PTPRD: variants seen among roughly 807,000 people sequenced by gnomAD.
PTPRD encodes receptor-type tyrosine-protein phosphatase delta.
A neutral mutation model predicts 214.5 loss-of-function variants in PTPRD; 34 were observed. The observed-to-expected ratio is 0.16, with a 90% CI of 0.12 to 0.21. The LOEUF is 0.21. Among genes scored for constraint, PTPRD ranks in the 10% least tolerant of loss-of-function variants. The pLI is 1.00. For missense variants in PTPRD, 2,545 were observed against 2,398.7 expected (o/e 1.06, Z -1.27); for synonymous variants, 1,128 against 845.7 (o/e 1.33, Z -5.79).
intron 14 of PTPRD, among the ~76,000 whole-genome samples, chr9:8,570,551 A>G (rs1033696435): frequency 3.9e-5 from 6 of 152,158 alleles, no homozygotes; most frequent in Admixed American, 6.5e-5. Context: ...GTAGGTTTTA[A>G]TAATAACAAA....
In PTPRD at chr9:8,991,285, T is replaced by A. The variant is rs552160788; in HGVS notation, c.-104+27412A>T. Reference sequence around the variant, plus strand: ...GTCATTTGATCTTCATCCTGAAAGCTCCCATGTCACATAAAACTAGGATTA... The same window carrying A: ...GTCATTTGATCTTCATCCTGAAAGCACCCATGTCACATAAAACTAGGATTA... On this transcript the variant is annotated intron_variant, in intron 11 of 45. Coordinates refer to ENST00000381196, the MANE Select transcript of PTPRD (RefSeq NM_002839.4). Among the ~76,000 whole-genome samples the A allele has an allele frequency of 2.3e-3, 345 of 151,756 alleles. 1 individual carries two copies. Among genetic ancestry groups the A allele is most frequent in the African/African-American group, 8.0e-3 (331 of 41,394 alleles).
chr9:8,951,425 G>C (rs7021805), intron 11 of PTPRD, among the ~76,000 whole-genome samples: 57,472 of 150,238 alleles, frequency 0.38, 11,592 homozygotes, highest in East Asian at 0.68. Context: ...TCTAATTGAA[G>C]CCAATATAAT....
At chr9:10,152,558 G>A (rs781275859) in intron 3 of PTPRD, among the ~76,000 whole-genome samples, 1 of 152,164 alleles carries the variant, frequency 6.6e-6, no homozygotes, top group Non-Finnish European at 1.5e-5. Flanking sequence ...AGGTGTGGTG[G>A]CTCACGCTTG....
chr9:10,408,122 G>C (rs2098394566), intron 2 of PTPRD, among the ~76,000 whole-genome samples: 1 of 151,468 alleles, frequency 6.6e-6, no homozygotes, highest in African/African-American at 2.4e-5. Flanking sequence ...CTTTGCTTGT[G>C]TTTCTTCTAC....
chr9:8,984,618 A>T (rs2099329963), intron 11 of PTPRD, among the ~76,000 whole-genome samples: 1 of 152,118 alleles, frequency 6.6e-6, no homozygotes, highest in African/African-American at 2.4e-5. Context: ...CAGGCACATT[A>T]GGCTAATTCC....
At chr9:10,211,544 T>A (rs2099516897) in intron 3 of PTPRD, among the ~76,000 whole-genome samples, 1 of 152,158 alleles carries the variant, frequency 6.6e-6, no homozygotes, top group Admixed American at 6.6e-5. Flanking sequence ...CCACCAGATC[T>A]TCTGCTGCTC....
chr9:8,486,716 T>C (rs1181868341), intron 27 of PTPRD, among the ~76,000 whole-genome samples: 1 of 152,232 alleles, frequency 6.6e-6, no homozygotes, highest in Non-Finnish European at 1.5e-5. Flanking sequence ...AGAATAACTA[T>C]AATGATTATT....
intron 12 of PTPRD, chr9:8,713,292 C>G: frequency 2.8e-6 from 2 of 704,220 alleles, no homozygotes; most frequent in East Asian, 2.7e-5. Flanking sequence ...CGGGTGGCGG[C>G]GAGCGCGGAG....
intron 12 of PTPRD, among the ~76,000 whole-genome samples, chr9:8,674,508 T>G (rs1316316338): frequency 3.5e-5 from 3 of 84,822 alleles, no homozygotes; most frequent in Non-Finnish European, 8.0e-5. Context: ...CAAGCAAAAA[T>G]AAGTAAAATT....
chr9:10,578,108 C>T (rs1471105472), intron 2 of PTPRD, among the ~76,000 whole-genome samples: 1 of 151,910 alleles, frequency 6.6e-6, no homozygotes, highest in Non-Finnish European at 1.5e-5. Context: ...CGGGGTTTCA[C>T]CTTGTTGGTT....
chr9:10,475,560 G>C (rs1443787271), intron 2 of PTPRD, among the ~76,000 whole-genome samples: 1 of 152,096 alleles, frequency 6.6e-6, no homozygotes, highest in African/African-American at 2.4e-5. Flanking sequence ...CAGGTACAAA[G>C]AGGAGCTGGT....
intron 8 of PTPRD, among the ~76,000 whole-genome samples, chr9:9,514,963 T>A (rs528825260): frequency 5.3e-5 from 8 of 152,232 alleles, no homozygotes; most frequent in East Asian, 1.9e-4. Context: ...GGACTTTTTT[T>A]AAAAATGCCA....
intron 39 of PTPRD, among the ~76,000 whole-genome samples, chr9:8,351,044 G>C (rs72691006): frequency 6.6e-6 from 1 of 152,108 alleles, no homozygotes; most frequent in Non-Finnish European, 1.5e-5. Flanking sequence ...TGTTGATGTA[G>C]CAAGTTAACT....
At chr9:9,902,683 C>A (rs1335297701) in intron 5 of PTPRD, among the ~76,000 whole-genome samples, 1 of 152,070 alleles carries the variant, frequency 6.6e-6, no homozygotes, top group African/African-American at 2.4e-5. Flanking sequence ...CATTCAAAAT[C>A]ATGGGGTGAT....
At chr9:9,961,269 G>A (rs1017053100) in intron 4 of PTPRD, among the ~76,000 whole-genome samples, 1 of 152,056 alleles carries the variant, frequency 6.6e-6, no homozygotes, top group African/African-American at 2.4e-5. Context: ...ACCTGGAATT[G>A]GAATTTTCAA....
At chr9:9,228,401 A>G (rs2099960930) in intron 9 of PTPRD, among the ~76,000 whole-genome samples, 1 of 152,122 alleles carries the variant, frequency 6.6e-6, no homozygotes, top group Non-Finnish European at 1.5e-5. Context: ...ATGTGCACAC[A>G]TATGTGCATG....
rs1409968784 is a variant in PTPRD at position 8,940,286 on chromosome 9, T to TTTTTG, written c.-104+78410_-104+78411insCAAAA. Among the ~76,000 whole-genome samples the TTTTTG allele has an allele frequency of 8.0e-5, 8 of 100,054 alleles. 1 individual carries two copies. Among genetic ancestry groups the TTTTTG allele is most frequent in the Non-Finnish European group, 1.3e-4 (6 of 47,350 alleles). 65.6% of individuals were successfully genotyped at this position (100,054 alleles called of 152,430 possible). A position where few individuals can be genotyped will look rare whatever the true frequency, so the allele number is the denominator to read the frequency against. On this transcript the variant is annotated intron_variant, in intron 11 of 45. Coordinates refer to ENST00000381196, the MANE Select transcript of PTPRD (RefSeq NM_002839.4). ...ATCTCTCTCTCTCTCTCTCCTTTTT[T>TTTTTG]TTTTTTTTTTTTTTGAGATGGAGTC...
chr9:8,434,626 A>G (rs970340888), intron 35 of PTPRD, among the ~76,000 whole-genome samples: 17 of 152,212 alleles, frequency 1.1e-4, no homozygotes, highest in Non-Finnish European at 2.9e-5. Flanking sequence ...CCATTACATA[A>G]CTTATAATCA....
intron 5 of PTPRD, among the ~76,000 whole-genome samples, chr9:9,879,713 G>A (rs1324213876): frequency 6.6e-6 from 1 of 152,126 alleles, no homozygotes; most frequent in Admixed American, 6.6e-5. Context: ...AGATCAAGAG[G>A]TGAGATGTCT....
Sources: gnomAD v4.1 joint callset for allele counts (sites outside exome capture counted in the v4.1 genomes callset) on GRCh38, gnomAD v4.1.1 for gene constraint, MANE v1.5 for transcripts, NCBI Gene and HGNC (gene_info 2026-07-23, HGNC 2026-07-21) for gene names.